SEMA4A: variants seen among roughly 807,000 people sequenced by gnomAD.
SEMA4A encodes semaphorin 4A.
SEMA4A carries 52 observed loss-of-function variants against 72.5 expected under a neutral mutation model. The observed-to-expected ratio is 0.72, with a 90% CI of 0.57 to 0.90. The LOEUF is 0.90. Ranked by LOEUF, SEMA4A falls within the 40% of genes least tolerant of loss-of-function variation. The probability of loss-of-function intolerance (pLI) is 0.00; values close to 1 mark genes in which losing one functional copy is unlikely to be tolerated. For missense variants in SEMA4A, 926 were observed against 959.7 expected (o/e 0.96, Z 0.46); for synonymous variants, 369 against 393.1 (o/e 0.94, Z 0.73).
At chr1:156,155,412 G>C (rs901576394) in intron 2 of SEMA4A, 1 of 152,850 alleles carries the variant, frequency 6.5e-6, no homozygotes, top group Admixed American at 6.5e-5. Flanking sequence ...GACCTCCTCT[G>C]TGTTGGATGC....
upstream of SEMA4A, among the ~76,000 whole-genome samples, chr1:156,148,448 C>T (rs982237026): frequency 6.6e-5 from 10 of 152,184 alleles, no homozygotes; most frequent in African/African-American, 2.4e-4. Flanking sequence ...CATGCCATGC[C>T]CTCCTTGCTT....
rs748167039 is a variant in SEMA4A at position 156,161,018 on chromosome 1, A to C, written c.799A>C (p.Arg267=). ...FERLHTSRVA[R]VCKNDVGGEK... ...GAGGCTCCACACATCGCGGGTGGCT[A>C]GAGTCTGCAAGGTCCGCGGCCTGGG... The change falls in exon 8 of 15, where the codon AGA becomes CGA. Residue 267 remains arginine (R), a synonymous_variant. Transcript: ENST00000368285. 6.3e-7 allele frequency: 1 copy of C among 1,580,816 alleles called. No individual in the cohort carries two copies. Among genetic ancestry groups the C allele is most frequent in the Non-Finnish European group, 8.6e-7 (1 of 1,161,826 alleles).
rs771519010 is a variant in SEMA4A at position 156,160,500 on chromosome 1, T to TGC, written c.629_630dup (p.Thr211AlafsTer78). ...TTCCTGGGCAGTGAGCCCATCCTGA[T>TGC]GCGCACACTGGGATCCCAGCCTGTC... On this transcript the variant is annotated frameshift_variant, in exon 7 of 15. Coordinates refer to ENST00000368285, the MANE Select transcript of SEMA4A (RefSeq NM_022367.4). LOFTEE classifies it high-confidence loss of function. The TGC allele has an allele frequency of 6.2e-7, 1 of 1,614,172 alleles. No homozygotes were observed. Among genetic ancestry groups the TGC allele is most frequent in the Admixed American group, 1.7e-5 (1 of 60,008 alleles).
At chr1:156,159,478 T>C (rs544097122) in intron 6 of SEMA4A, among the ~76,000 whole-genome samples, 5 of 152,076 alleles carry the variant, frequency 3.3e-5, no homozygotes, top group Non-Finnish European at 7.4e-5. Context: ...GAAAGATGCA[T>C]GTGGAGAGAC....
intron 10 of SEMA4A, among the ~76,000 whole-genome samples, chr1:156,166,894 A>C (rs1380594510): frequency 6.6e-6 from 1 of 151,682 alleles, no homozygotes; most frequent in African/African-American, 2.4e-5. Flanking sequence ...GTGCCACTGC[A>C]CTCCAGCCTG....
chr1:156,158,222 TG>T (rs769247096), intron 4 of SEMA4A, 90 bp downstream of exon 4: 31 of 1,432,454 alleles, frequency 2.2e-5, no homozygotes, highest in Non-Finnish European at 3.1e-5. Context: ...TGGGCGGCAG[TG>T]GAGGGCACTT....
chr1:156,172,690 A>T, intron 10 of SEMA4A, 136 bp from the exon 11 acceptor site: 1 of 829,728 alleles, frequency 1.2e-6, no homozygotes, highest in Non-Finnish European at 2.0e-6. Context: ...GCAGCTCCAG[A>T]GTCGGAGCTT....
intron 10 of SEMA4A, among the ~76,000 whole-genome samples, chr1:156,165,464 G>A (rs1654067547): frequency 6.6e-6 from 1 of 151,954 alleles, no homozygotes; most frequent in South Asian, 2.1e-4. Flanking sequence ...TTGAGTGTCT[G>A]AAAATGTATT....
chr1:156,149,794 C>T (rs774869635), upstream of SEMA4A: 1 of 152,176 alleles, frequency 6.6e-6, no homozygotes, highest in African/African-American at 2.4e-5. Context: ...GAGCAGGGAC[C>T]GGGGGCTACT....
intron 14 of SEMA4A, 89 bp from the exon 15 acceptor site, chr1:156,176,316 G>A (rs1655322502): frequency 9.8e-7 from 1 of 1,023,538 alleles, no homozygotes; most frequent in Non-Finnish European, 1.4e-6. Flanking sequence ...AAAAAAGAGG[G>A]CTGGGGTCCA....
chr1:156,175,043 A>G (rs1655182354), intron 12 of SEMA4A, 43 bp from the exon 13 acceptor site: 1 of 1,613,950 alleles, frequency 6.2e-7, no homozygotes, highest in African/African-American at 1.3e-5. Context: ...GGACTTTACT[A>G]GATGTGGCTG....
At chr1:156,154,420 T>C in intron 1 of SEMA4A, 130 bp from the exon 2 acceptor site, 2 of 800,320 alleles carry the variant, frequency 2.5e-6, no homozygotes, top group South Asian at 3.1e-5. Flanking sequence ...TAGGGAACCT[T>C]CTCTGCCCCA....
In SEMA4A at chr1:156,158,139, G is replaced by T; in HGVS notation, c.363+7G>T. The T allele has an allele frequency of 6.2e-7, 1 of 1,614,018 alleles. No homozygotes were observed. Among genetic ancestry groups the T allele is most frequent in the Non-Finnish European group, 8.5e-7 (1 of 1,179,916 alleles). On this transcript the variant is annotated splice_region_variant and intron_variant, in intron 4 of 14. Coordinates refer to ENST00000368285, the MANE Select transcript of SEMA4A (RefSeq NM_022367.4). ...TAAGAAGAAGAGCAATGAGGTAAGT[G>T]GAGGTGGGGGAGTAGGGGTAGAGTG...
At chr1:156,147,628 G>A (rs1652213454), upstream of SEMA4A, among the ~76,000 whole-genome samples, 1 of 151,872 alleles carries the variant, frequency 6.6e-6, no homozygotes, top group Non-Finnish European at 1.5e-5. Context: ...TAAGGAGCAG[G>A]ATGCCTGGGT....
Position 156,160,956 on chromosome 1 carries a change from T to A in SEMA4A, c.737T>A (p.Phe246Tyr). 6.2e-7 allele frequency: 1 copy of A among 1,612,492 alleles called. No individual in the cohort carries two copies. Among genetic ancestry groups the A allele is most frequent in the Non-Finnish European group, 8.5e-7 (1 of 1,179,518 alleles). The change falls in exon 8 of 15, where the codon TTC becomes TAC. Residue 246 changes from phenylalanine (F) to tyrosine (Y), a missense_variant. Transcript: ENST00000368285. The stretch of plus-strand genomic sequence containing the variant: ...CCTTCGACCCAGGTCGTCTACTTCT[T>A]CTTCGAGGAGACAGCCAGCGAGTTT... ...AIPSTQVVYF[F>Y]FEETASEFDF...
intron 14 of SEMA4A, among the ~76,000 whole-genome samples, chr1:156,175,918 G>T (rs1174287926): frequency 6.6e-6 from 1 of 152,116 alleles, no homozygotes; most frequent in Non-Finnish European, 1.5e-5. Context: ...CTTAGTTTGG[G>T]GTCCAGACTG....
chr1:156,166,766 T>A (rs1654202063), intron 10 of SEMA4A, among the ~76,000 whole-genome samples: 5 of 151,960 alleles, frequency 3.3e-5, no homozygotes. Flanking sequence ...CCGTCTCTAC[T>A]AAAAATACAA....
Position 156,158,027 on chromosome 1 carries a change from C to T in SEMA4A, c.301-43C>T, listed in dbSNP as rs780978809. The T allele has an allele frequency of 3.1e-6, 5 of 1,605,052 alleles. No individual in the cohort carries two copies. The African/African-American group carries it at 6.7e-5, about 21-fold the overall frequency. On this transcript the variant is annotated intron_variant, in intron 3 of 14. Transcript: ENST00000368285. ...GGCAGGTCACAGCTAGAACTGAGGA[C>T]CTTATTTCTTTTCATCTCGCCCTCC...
chr1:156,154,855 G>C, intron 2 of SEMA4A, 138 bp downstream of exon 2: 1 of 1,052,698 alleles, frequency 9.5e-7, no homozygotes, highest in South Asian at 1.6e-5. Context: ...GGGAGAAACA[G>C]AGGATCTCGG....
Sources: allele counts gnomAD v4.1 joint callset (sites outside exome capture counted in the v4.1 genomes callset), GRCh38; gene constraint gnomAD v4.1.1; transcripts MANE v1.5; gene names NCBI Gene and HGNC (gene_info 2026-07-23, HGNC 2026-07-21).